The following SEC23IP variants were observed in gnomAD, a reference collection of about 807,000 sequenced individuals.
The protein encoded by SEC23IP is SEC23-interacting protein.
Under a neutral mutation model 113.4 loss-of-function variants are expected in SEC23IP, and 70 were observed. That is an observed-to-expected ratio of 0.62 (90% CI 0.51 to 0.75). SEC23IP has a LOEUF of 0.75. Ranked by LOEUF, SEC23IP falls within the 30% of genes least tolerant of loss-of-function variation. The pLI is 0.00. For synonymous variants in SEC23IP, 398 were observed against 421.0 expected, an observed-to-expected ratio of 0.95 and a Z score of 0.67; for missense variants, 1,160 against 1,204.9, an observed-to-expected ratio of 0.96 and a Z score of 0.55.
intron 1 of SEC23IP, 159 bp from the exon 2 acceptor site, chr10:119,898,268 T>C: frequency 1.6e-6 from 2 of 1,257,242 alleles, no homozygotes; most frequent in Non-Finnish European, 2.0e-6. Flanking sequence ...GAAGCAAGTT[T>C]TCAAAGAAAA....
intron 7 of SEC23IP, 134 bp from the exon 8 acceptor site, chr10:119,915,614 C>G (rs1348305927): frequency 1.5e-6 from 1 of 665,610 alleles, no homozygotes; most frequent in Non-Finnish European, 2.2e-6. Context: ...TACTAATTCT[C>G]TTATCCTCAT....
At position 119,915,771 on chromosome 10, in the gene SEC23IP, C is replaced by G. The variant is rs1589835577; in HGVS notation, c.1426C>G (p.Leu476Val). ...AGTGGATGATTTTAGGGTGGTTTCTCTCAAATTGCTGCGGACACATTTCAA... is the reference window on the plus strand; with the variant it reads ...AGTGGATGATTTTAGGGTGGTTTCTGTCAAATTGCTGCGGACACATTTCAA... ...ECVDDFRVVSLKLLRTHFKKS... is the reference protein window; with the variant it reads ...ECVDDFRVVSVKLLRTHFKKS... The change falls in exon 8 of 19, where the codon CTC (leucine) becomes GTC (valine). Residue 476 changes from leucine (L) to valine (V), a missense_variant. Physicochemically the swap from Leu to Val is conservative, Grantham distance 32 (BLOSUM62 1). Transcript: ENST00000369075. 6.4e-7 allele frequency: 1 copy of G among 1,560,564 alleles called. No individual in the cohort carries two copies. The highest frequency in any genetic ancestry group is 1.4e-5 in the African/African-American group (1 of 72,080).
chr10:119,924,462 T>G (rs900118512), intron 12 of SEC23IP, among the ~76,000 whole-genome samples: 12 of 151,906 alleles, frequency 7.9e-5, no homozygotes, highest in Admixed American at 2.6e-4. Flanking sequence ...GCTCTGTTGC[T>G]CAGGCTGGAA....
At chr10:119,897,898 G>A (rs1421920671) in intron 1 of SEC23IP, among the ~76,000 whole-genome samples, 1 of 151,482 alleles carries the variant, frequency 6.6e-6, no homozygotes, top group African/African-American at 2.4e-5. Flanking sequence ...CCAGCTACTC[G>A]GGAGGCTGAG....
At chr10:119,929,847 C>T (rs1298540767) in intron 14 of SEC23IP, 85 bp downstream of exon 14, 1 of 837,500 alleles carries the variant, frequency 1.2e-6, no homozygotes, top group African/African-American at 1.7e-5. Context: ...TGGGGTCTTA[C>T]TATGTGGACC....
intron 1 of SEC23IP, among the ~76,000 whole-genome samples, chr10:119,893,514 CTTTTTTT>C (rs60552712): frequency 2.0e-4 from 17 of 85,338 alleles, no homozygotes; most frequent in African/African-American, 5.1e-5. Context: ...CATTCCTTAT[CTTTTTTT>C]TTTTTTTTTT....
At chr10:119,911,952 T>G (rs1854877404) in intron 5 of SEC23IP, 92 bp from the exon 6 acceptor site, 13 of 1,435,210 alleles carry the variant, frequency 9.1e-6, no homozygotes, top group Non-Finnish European at 1.2e-5. Flanking sequence ...CTCCGTACTC[T>G]GAGGTATAGC....
At chr10:119,897,607 T>C (rs1216538583) in intron 1 of SEC23IP, among the ~76,000 whole-genome samples, 1 of 152,258 alleles carries the variant, frequency 6.6e-6, no homozygotes, top group Non-Finnish European at 1.5e-5. Flanking sequence ...AACAGAGTTA[T>C]CTTTAGTCTC....
At chr10:119,932,365 A>C in intron 16 of SEC23IP, 47 bp downstream of exon 16, 1 of 1,397,932 alleles carries the variant, frequency 7.2e-7, no homozygotes. Flanking sequence ...GTTTCATATG[A>C]ACATAATACT....
intron 1 of SEC23IP, among the ~76,000 whole-genome samples, chr10:119,893,456 C>T (rs1025012269): frequency 6.6e-6 from 1 of 151,582 alleles, no homozygotes; most frequent in African/African-American, 2.4e-5. Context: ...ATGGACTGTG[C>T]CCCTCTTCTA....
chr10:119,914,158 C>T (rs955565542), intron 6 of SEC23IP, among the ~76,000 whole-genome samples: 3 of 152,260 alleles, frequency 2.0e-5, no homozygotes, highest in South Asian at 2.1e-4. Context: ...GAAACTCCAT[C>T]TCCAAAACAA....
chr10:119,892,933 C>A lies in SEC23IP; in HGVS notation c.151C>A (p.Leu51Ile). 6.2e-7 allele frequency: 1 copy of A among 1,612,634 alleles called. No individual in the cohort carries two copies. The highest frequency in any genetic ancestry group is 1.1e-5 in the South Asian group (1 of 90,904). Reference sequence around the variant, plus strand: ...GGCCTCCGCTTCTCCGGCCTCCCTGCTCTTACCGGGAGGTAATAAGGGGAG... The same window carrying A: ...GGCCTCCGCTTCTCCGGCCTCCCTGATCTTACCGGGAGGTAATAAGGGGAG... ...TQASASPASL[L>I]LPGEDSTDVG... Residue 51 changes from leucine to isoleucine, a missense_variant, in exon 1 of 19, where the codon CTC becomes ATC. By Grantham distance (5) the Leu-to-Ile change is conservative. Coordinates refer to ENST00000369075, the MANE Select transcript of SEC23IP (RefSeq NM_007190.4).
chr10:119,922,222 G>A (rs1434409405), intron 12 of SEC23IP, among the ~76,000 whole-genome samples: 1 of 152,110 alleles, frequency 6.6e-6, no homozygotes, highest in Non-Finnish European at 1.5e-5. Context: ...AGGTGATGGT[G>A]CTTGAGCTTG....
intron 18 of SEC23IP, among the ~76,000 whole-genome samples, chr10:119,938,030 G>A (rs1459098651): frequency 2.6e-5 from 4 of 151,644 alleles, no homozygotes; most frequent in Admixed American, 6.6e-5. Flanking sequence ...TGGGGCTGGT[G>A]CAGTGGCTCA....
chr10:119,930,505 C>A, intron 15 of SEC23IP, 74 bp downstream of exon 15: 1 of 820,258 alleles, frequency 1.2e-6, no homozygotes, highest in Non-Finnish European at 2.0e-6. Flanking sequence ...AATTTTGACA[C>A]TAAATCGTCT....
chr10:119,921,549 G>A (rs1165604414), intron 12 of SEC23IP, among the ~76,000 whole-genome samples: 1 of 152,144 alleles, frequency 6.6e-6, no homozygotes, highest in Non-Finnish European at 1.5e-5. Flanking sequence ...GCAAAGCTTA[G>A]CACCAAGTAA....
chr10:119,939,786 C>A (rs908900337), intron 18 of SEC23IP, among the ~76,000 whole-genome samples: 9 of 152,158 alleles, frequency 5.9e-5, no homozygotes, highest in Non-Finnish European at 1.2e-4. Context: ...ACCTCTGACT[C>A]CCAGGCTCAA....
Position 119,919,588 on chromosome 10 carries a change from G to T in SEC23IP, c.2017G>T (p.Glu673Ter). The T allele has an allele frequency of 6.2e-7, 1 of 1,612,274 alleles. No individual in the cohort carries two copies. The highest frequency in any genetic ancestry group is 1.1e-5 in the South Asian group (1 of 90,610). Residue 673 changes from glutamate to a stop codon, truncating the protein, a stop_gained, in exon 11 of 19, where the codon GAG becomes TAG. Coordinates refer to ENST00000369075, the MANE Select transcript of SEC23IP (RefSeq NM_007190.4). LOFTEE classifies it high-confidence loss of function. Reference sequence around the variant, plus strand: ...TTTTGAAAAGGAAAAGATTGATATGGAGTCCCTGGTACTGATCATAGTTTG... The same window carrying T: ...TTTTGAAAAGGAAAAGATTGATATGTAGTCCCTGGTACTGATCATAGTTTG... ...STFEKEKIDM[E>*]SLLMCTVDDL...
intron 14 of SEC23IP, 34 bp downstream of exon 14, chr10:119,929,796 C>A: frequency 6.8e-7 from 1 of 1,479,546 alleles, no homozygotes; most frequent in Non-Finnish European, 9.3e-7. Flanking sequence ...TTTTTAAAAT[C>A]CTTTTTTCTT....
Sources: allele counts gnomAD v4.1 joint callset (sites outside exome capture counted in the v4.1 genomes callset), GRCh38; gene constraint gnomAD v4.1.1; transcripts MANE v1.5; gene names NCBI Gene and HGNC (gene_info 2026-07-23, HGNC 2026-07-21).